CCDC40: variants seen among roughly 807,000 people sequenced by gnomAD.
CCDC40 encodes the protein coiled-coil domain 40 molecular ruler complex subunit, also known as coiled-coil domain-containing protein 40.
CCDC40 carries 104 observed loss-of-function variants against 124.5 expected under a neutral mutation model. The ratio of observed to expected loss-of-function variants is 0.84; its 90% CI spans 0.71 to 0.98. The LOEUF (loss-of-function observed/expected upper bound fraction) is 0.98. Ranked by LOEUF, CCDC40 falls within the 50% of genes least tolerant of loss-of-function variation. CCDC40 has a pLI of 0.00. For synonymous variants in CCDC40, 580 were observed against 602.9 expected, an observed-to-expected ratio of 0.96 and a Z score of 0.56; for missense variants, 1,463 against 1,503.9, an observed-to-expected ratio of 0.97 and a Z score of 0.45.
intron 9 of CCDC40, among the ~76,000 whole-genome samples, chr17:80,064,837 C>T (rs1475291218): frequency 1.3e-5 from 2 of 151,984 alleles, no homozygotes; most frequent in African/African-American, 4.8e-5. Flanking sequence ...CTGCTTCCCC[C>T]AGCTGGACGA....
chr17:80,064,943 T>C (rs9913997), intron 9 of CCDC40, among the ~76,000 whole-genome samples: 8,943 of 151,708 alleles, frequency 0.059, 816 homozygotes, highest in African/African-American at 0.2. Flanking sequence ...GGGACCTCAG[T>C]CCGAATCAAT....
chr17:80,089,759 T>C lies in CCDC40; in HGVS notation c.2712-5T>C. 1 of 1,614,186 alleles carries C rather than the reference T, an allele frequency of 6.2e-7. No homozygotes were observed. The highest frequency in any genetic ancestry group is 1.1e-5 in the South Asian group (1 of 91,090). On this transcript the variant is annotated splice_polypyrimidine_tract_variant and splice_region_variant and intron_variant, in intron 16 of 19. Transcript: ENST00000397545. ...TTTCTTACACTGCCTCTCCTACCTC[T>C]AAAGACACCAGATTATGCTTTGGGA...
chr17:80,094,151 C>A (rs1454786022), intron 17 of CCDC40, among the ~76,000 whole-genome samples: 2 of 151,910 alleles, frequency 1.3e-5, no homozygotes, highest in Admixed American at 1.3e-4. Context: ...GTGGCTCACG[C>A]CTGTAATCCT....
chr17:80,065,219 T>C (rs867755045), intron 9 of CCDC40, among the ~76,000 whole-genome samples: 2 of 66,128 alleles, frequency 3.0e-5, no homozygotes, highest in Admixed American at 1.7e-4. Flanking sequence ...TCCCTCCCCC[T>C]TCCTCCCTCT....
At chr17:80,090,354 G>T in intron 17 of CCDC40, 1 of 956,492 alleles carries the variant, frequency 1.0e-6, no homozygotes, top group Non-Finnish European at 1.4e-6. Flanking sequence ...CAAGGGACGC[G>T]CGCAGGCACG....
intron 4 of CCDC40, among the ~76,000 whole-genome samples, chr17:80,048,149 G>T (rs2143608746): frequency 6.6e-6 from 1 of 152,216 alleles, no homozygotes; most frequent in East Asian, 1.9e-4. Context: ...ATCCCCAGCT[G>T]CTCGGGAGGC....
chr17:80,051,219 G>C (rs960743190), intron 7 of CCDC40: 58 of 515,586 alleles, frequency 1.1e-4, no homozygotes, highest in Non-Finnish European at 1.4e-4. Context: ...ACACAAACCT[G>C]GAGGAAAACA....
chr17:80,081,485 T>C (rs2038447461), intron 10 of CCDC40, 61 bp from the exon 11 acceptor site: 6 of 1,610,650 alleles, frequency 3.7e-6, no homozygotes, highest in East Asian at 2.2e-5. Context: ...GGGGCGCAGC[T>C]CTGTGCACTG....
intron 2 of CCDC40, among the ~76,000 whole-genome samples, chr17:80,038,606 C>G (rs2037191566): frequency 6.6e-6 from 1 of 152,072 alleles, no homozygotes; most frequent in Non-Finnish European, 1.5e-5. Context: ...GCAGGCAGAT[C>G]ACGAGGTCAA....
intron 17 of CCDC40, chr17:80,092,214 T>G (rs1002171450): frequency 6.6e-6 from 1 of 152,194 alleles, no homozygotes; most frequent in Non-Finnish European, 1.5e-5. Context: ...TTTTGTATTT[T>G]CAGTAGAGAC....
At chr17:80,080,912 G>A (rs2038431835) in intron 10 of CCDC40, among the ~76,000 whole-genome samples, 2 of 152,304 alleles carry the variant, frequency 1.3e-5, no homozygotes, top group African/African-American at 4.8e-5. Flanking sequence ...ATAGCTAGAG[G>A]AAAAGATTTG....
intron 12 of CCDC40, among the ~76,000 whole-genome samples, chr17:80,082,567 C>T (rs1193005772): frequency 6.6e-6 from 1 of 152,182 alleles, no homozygotes; most frequent in Admixed American, 6.5e-5. Flanking sequence ...CAGAGCACAT[C>T]CTAGCAGTGG....
intron 7 of CCDC40, among the ~76,000 whole-genome samples, chr17:80,054,163 T>C (rs985040340): frequency 2.0e-5 from 3 of 152,128 alleles, no homozygotes; most frequent in African/African-American, 7.2e-5. Context: ...CTGCTTTTTT[T>C]TTAAATGACC....
chr17:80,082,176 C>T, intron 12 of CCDC40, 118 bp downstream of exon 12: 1 of 731,332 alleles, frequency 1.4e-6, no homozygotes, highest in Non-Finnish European at 2.2e-6. Context: ...CCCTCCTGTG[C>T]TCACTCCTTT....
chr17:80,086,018 C>A lies in CCDC40; in HGVS notation c.2251C>A (p.Pro751Thr), dbSNP rs141343307. 3,573 of 1,613,934 alleles carry A rather than the reference C, an allele frequency of 2.2e-3. 20 individuals are homozygous for A. Among genetic ancestry groups the A allele is most frequent in the Middle Eastern group, 5.0e-3 (30 of 5,984 alleles). ...VSELGGEEVG[P>T]LELEIKRLSK... ...TCCGGTCTAGGGGGAAGAAGTGGGG[C>A]CCCTGGAGCTTGAAATCAAAAGGCT... The change falls in exon 14 of 20, where the codon CCC (proline) becomes ACC (threonine). Residue 751 changes from proline to threonine, a missense_variant. By Grantham distance (38) the Pro-to-Thr change is conservative. Coordinates refer to ENST00000397545, the MANE Select transcript of CCDC40 (RefSeq NM_017950.4). The surrounding 1 kb of genome is among the most constrained non-coding windows in gnomAD (Gnocchi z 5.5).
At chr17:80,097,832 C>T (rs1025401846) in intron 19 of CCDC40, 3 of 220,028 alleles carry the variant, frequency 1.4e-5, no homozygotes, top group South Asian at 6.4e-5. Flanking sequence ...CCTGGGAGGT[C>T]GAGACTGCAG....
intron 7 of CCDC40, among the ~76,000 whole-genome samples, chr17:80,052,625 C>A (rs2037630605): frequency 1.3e-5 from 2 of 152,154 alleles, no homozygotes; most frequent in Admixed American, 6.6e-5. Flanking sequence ...AACCCGAGAT[C>A]CCCAGACCTG....
intron 17 of CCDC40, among the ~76,000 whole-genome samples, chr17:80,091,856 A>C (rs1000030766): frequency 3.3e-5 from 5 of 152,082 alleles, no homozygotes; most frequent in African/African-American, 1.2e-4. Flanking sequence ...ACAGCCTGAC[A>C]GATTACTTGT....
Position 80,047,417 on chromosome 17 carries a change from C to G in CCDC40, c.676+15C>G. On this transcript the variant is annotated intron_variant, in intron 4 of 19. Coordinates refer to ENST00000397545, the MANE Select transcript of CCDC40 (RefSeq NM_017950.4). ...GCAGGAGCCAGGTGCCACCCACCTG[C>G]TGAGGTCACCCTGCCCTGGCGATGA... 6.2e-7 allele frequency: 1 copy of G among 1,608,160 alleles called. No individual in the cohort carries two copies. Among genetic ancestry groups the G allele is most frequent in the Non-Finnish European group, 8.5e-7 (1 of 1,177,796 alleles).
Sources: allele counts gnomAD v4.1 joint callset (sites outside exome capture counted in the v4.1 genomes callset), GRCh38; gene constraint gnomAD v4.1.1; non-coding constraint Gnocchi (gnomAD v3.1); transcripts MANE v1.5; gene names NCBI Gene and HGNC (gene_info 2026-07-23, HGNC 2026-07-21).